KIF23: variants seen among roughly 807,000 people sequenced by gnomAD.
KIF23 encodes the protein kinesin-like protein KIF23.
KIF23 carries 30 observed loss-of-function variants against 137.5 expected under a neutral mutation model. The observed-to-expected ratio is 0.22, with a 90% CI of 0.16 to 0.30. The LOEUF (loss-of-function observed/expected upper bound fraction) is 0.30, where lower values mean the gene tolerates loss of function less well. Ranked by LOEUF, KIF23 falls within the 10% of genes least tolerant of loss-of-function variation. The probability of loss-of-function intolerance (pLI) is 1.00; values close to 1 mark genes in which losing one functional copy is unlikely to be tolerated. For synonymous variants in KIF23, 367 were observed against 391.1 expected (o/e 0.94, Z 0.73); for missense variants, 920 against 1,194.3 (o/e 0.77, Z 3.38).
rs747369638 is a variant in KIF23, at chr15:69,422,146, G to C, written c.453+18G>C. ...AACGATATGTAAGTATGATTCTTTT[G>C]TGTTGTGACTATCTTACTGGACTAA... On this transcript the variant is annotated intron_variant, in intron 5 of 23. Transcript: ENST00000679126. The C allele has an allele frequency of 2.2e-5, 36 of 1,612,100 alleles. No homozygotes were observed. The highest frequency in any genetic ancestry group is 3.0e-5 in the Non-Finnish European group (35 of 1,178,946).
chr15:69,432,889 A>T (rs977623012), intron 11 of KIF23, among the ~76,000 whole-genome samples: 4 of 152,246 alleles, frequency 2.6e-5, no homozygotes, highest in Non-Finnish European at 5.9e-5. Context: ...AATTACAGGT[A>T]CTACTAATGC....
At chr15:69,423,452 G>C (rs146515193) in intron 7 of KIF23, 123 bp downstream of exon 7, 6 of 629,782 alleles carry the variant, frequency 9.5e-6, no homozygotes, top group Non-Finnish European at 1.3e-5. Flanking sequence ...AGAATGAAAT[G>C]ATATAATTTG....
intron 13 of KIF23, 77 bp from the exon 14 acceptor site, chr15:69,436,061 A>G (rs2057470153): frequency 6.5e-7 from 1 of 1,549,936 alleles, no homozygotes; most frequent in Non-Finnish European, 8.8e-7. Context: ...AAAATAAGCA[A>G]TCTTTGCTTC....
chr15:69,415,273 A>G (rs922805254), intron 1 of KIF23, among the ~76,000 whole-genome samples: 6 of 152,198 alleles, frequency 3.9e-5, no homozygotes, highest in Non-Finnish European at 7.3e-5. Flanking sequence ...GCCCACCACA[A>G]AGTATTTTGC....
At chr15:69,439,536 T>C (rs1272372134) in intron 16 of KIF23, among the ~76,000 whole-genome samples, 1 of 152,218 alleles carries the variant, frequency 6.6e-6, no homozygotes, top group African/African-American at 2.4e-5. Flanking sequence ...GTCTGTTCTC[T>C]CATTTACAGA....
At position 69,440,782 on chromosome 15, in the gene KIF23, T is replaced by C. The variant is rs1377003688; in HGVS notation, c.2124T>C (p.Tyr708=). 4.4e-6 allele frequency: 7 copies of C among 1,609,090 alleles called. No individual in the cohort carries two copies. Among genetic ancestry groups the C allele is most frequent in the Non-Finnish European group, 5.9e-6 (7 of 1,179,486 alleles). ...AATTTTTCTAGCTTTCTAGTAACTA[T>C]ATTGCTCAGATTTCCAACGGCCAGC... ...SPSPVPLSSN[Y]IAQISNGQQL... is the part of the protein sequence containing the mutation. Residue 708 remains tyrosine (Y), a synonymous_variant, in exon 19 of 24, where the codon TAT becomes TAC. Coordinates refer to ENST00000679126, the MANE Select transcript of KIF23 (RefSeq NM_001367805.3).
chr15:69,436,282 A>G (rs1333588509), intron 14 of KIF23, 21 bp downstream of exon 14: 1 of 1,604,982 alleles, frequency 6.2e-7, no homozygotes, highest in Non-Finnish European at 8.5e-7. Context: ...GTGTTGTATC[A>G]TTTGTCCACT....
intron 22 of KIF23, 35 bp from the exon 23 acceptor site, chr15:69,446,836 A>G: frequency 6.3e-7 from 1 of 1,585,274 alleles, no homozygotes; most frequent in Non-Finnish European, 8.7e-7. Context: ...TATTGAGAGG[A>G]GCTGATCTTT....
At chr15:69,420,848 G>A (rs1381384214) in intron 3 of KIF23, among the ~76,000 whole-genome samples, 1 of 151,982 alleles carries the variant, frequency 6.6e-6, no homozygotes, top group African/African-American at 2.4e-5. Flanking sequence ...CTTAACTCAT[G>A]GCCTCAAGTG....
chr15:69,431,997 T>C (rs1264889007), intron 11 of KIF23, among the ~76,000 whole-genome samples: 1 of 152,222 alleles, frequency 6.6e-6, no homozygotes, highest in Non-Finnish European at 1.5e-5. Flanking sequence ...TGTCAATGTC[T>C]ACCCAGTGCA....
Position 69,423,164 on chromosome 15 carries a change from A to G in KIF23, c.569A>G (p.Gln190Arg). 6.3e-7 allele frequency: 1 copy of G among 1,579,582 alleles called. No individual in the cohort carries two copies. The highest frequency in any genetic ancestry group is 8.6e-7 in the Non-Finnish European group (1 of 1,163,048). ...TTGAACTTTTCTTTTTTTAGACGAC[A>G]AGTAGATCCAGAGTTTGCAGATATG... ...PNPKTSSSKR[Q>R]VDPEFADMIT... The change falls in exon 7 of 24, where the codon CAA becomes CGA. Residue 190 changes from glutamine (Q) to arginine (R), a missense_variant. Physicochemically the swap from Gln to Arg is conservative, Grantham distance 43 (BLOSUM62 1). Around this residue, in one of 4 missense-constraint regions of KIF23, gnomAD observed 714 missense variants for 866.2 expected, o/e 0.82. Transcript: ENST00000679126.
Position 69,447,880 on chromosome 15 carries a change from T to G in KIF23, c.*73T>G, listed in dbSNP as rs2057774227. 6.7e-7 allele frequency: 1 copy of G among 1,488,330 alleles called. No individual in the cohort carries two copies. The highest frequency in any genetic ancestry group is 1.7e-5 in the Admixed American group (1 of 59,218). 92.2% of individuals were successfully genotyped at this position (1,488,330 alleles called of 1,614,324 possible). A position where few individuals can be genotyped will look rare whatever the true frequency, so the allele number is the denominator to read the frequency against. On this transcript the variant is annotated 3_prime_UTR_variant, in exon 24 of 24. Coordinates refer to ENST00000679126, the MANE Select transcript of KIF23 (RefSeq NM_001367805.3). Reference sequence around the variant, plus strand: ...TTCTCGAAAGCCATGCCAGAAGCAGTCTTCCAGGTCATCTTGTAGAACTCC... The same window carrying G: ...TTCTCGAAAGCCATGCCAGAAGCAGGCTTCCAGGTCATCTTGTAGAACTCC...
chr15:69,423,165 A>G lies in KIF23; in HGVS notation c.570A>G (p.Gln190=). The G allele has an allele frequency of 6.3e-7, 1 of 1,581,816 alleles. No individual in the cohort carries two copies. The highest frequency in any genetic ancestry group is 8.6e-7 in the Non-Finnish European group (1 of 1,164,570). The change falls in exon 7 of 24, where the codon CAA becomes CAG. Residue 190 remains glutamine, a synonymous_variant. Coordinates refer to ENST00000679126, the MANE Select transcript of KIF23 (RefSeq NM_001367805.3). ...TGAACTTTTCTTTTTTTAGACGACA[A>G]GTAGATCCAGAGTTTGCAGATATGA... The part of the protein sequence containing the change: ...PNPKTSSSKR[Q]VDPEFADMIT...
Position 69,426,464 on chromosome 15 carries a change from T to C in KIF23, c.1011+7T>C, listed in dbSNP as rs757071294. 3.1e-6 allele frequency: 5 copies of C among 1,613,004 alleles called. No individual in the cohort carries two copies. In the East Asian group the frequency reaches 8.9e-5, roughly 29 times the overall value. On this transcript the variant is annotated splice_region_variant and intron_variant, in intron 10 of 23. Coordinates refer to ENST00000679126, the MANE Select transcript of KIF23 (RefSeq NM_001367805.3). ...TGGAGACAATGTCTTACAGGTAAAG[T>C]TGTAGTATGTGGAGTTTTTCTGGTT...
chr15:69,436,656 C>T lies in KIF23; in HGVS notation c.1531C>T (p.Leu511=). ...DINDEQTLPR[L]IEALEKRHNL... is the part of the protein sequence containing the mutation. ...CAACGATGAGCAGACACTTCCAAGGCTGATTGAAGCCTTAGAGAAACGACA... is the reference window on the plus strand; with the variant it reads ...CAACGATGAGCAGACACTTCCAAGGTTGATTGAAGCCTTAGAGAAACGACA... The change falls in exon 15 of 24, where the codon CTG becomes TTG. Residue 511 remains leucine (L), a synonymous_variant. Coordinates refer to ENST00000679126, the MANE Select transcript of KIF23 (RefSeq NM_001367805.3). 3 of 1,611,100 alleles carry T rather than the reference C, an allele frequency of 1.9e-6. No homozygotes were observed. Among genetic ancestry groups the T allele is most frequent in the East Asian group, 2.2e-5 (1 of 44,820 alleles).
At chr15:69,428,792 T>C (rs1021401367) in intron 10 of KIF23, among the ~76,000 whole-genome samples, 1 of 152,112 alleles carries the variant, frequency 6.6e-6, no homozygotes, top group South Asian at 2.1e-4. Context: ...AAATATCTGC[T>C]GAGTTCCTAC....
chr15:69,446,939 C>T lies in KIF23; in HGVS notation c.2907C>T (p.Pro969=), dbSNP rs769489533. The change falls in exon 23 of 24, where the codon CCC becomes CCT. Residue 969 remains proline (P), a splice_region_variant and synonymous_variant. Transcript: ENST00000679126. ...CTGGATATCAGCATCACGCACAACCCAAGTGAGTACTGACTGTAATTGGGG... is the reference window on the plus strand; with the variant it reads ...CTGGATATCAGCATCACGCACAACCTAAGTGAGTACTGACTGTAATTGGGG... ...LGPGYQHHAQ[P]KRKKP is the part of the protein sequence containing the mutation. The T allele has an allele frequency of 4.7e-5, 76 of 1,613,722 alleles. No homozygotes were observed. Among genetic ancestry groups the T allele is most frequent in the Non-Finnish European group, 5.3e-5 (63 of 1,179,684 alleles).
chr15:69,444,670 T>G lies in KIF23; in HGVS notation c.2422-120T>G. 1.0e-6 allele frequency: 1 copy of G among 979,028 alleles called. No individual in the cohort carries two copies. The highest frequency in any genetic ancestry group is 1.5e-6 in the Non-Finnish European group (1 of 679,064). The allele number at this position is 979,028 out of a possible 1,614,324, so 60.6% of individuals were successfully genotyped here. A position where few individuals can be genotyped will look rare whatever the true frequency, so the allele number is the denominator to read the frequency against. ...ATGCAAAGATCATGTTTAAATTACT[T>G]GAATAAAATATTTAGCTTTGGAAAG... On this transcript the variant is annotated intron_variant, in intron 19 of 23. Transcript: ENST00000679126. This position sits in a 1 kb window ranked among gnomAD's most constrained non-coding sequence, Gnocchi z 4.2.
At chr15:69,420,668 GC>G (rs2057031585) in intron 3 of KIF23, among the ~76,000 whole-genome samples, 1 of 152,126 alleles carries the variant, frequency 6.6e-6, no homozygotes, top group South Asian at 2.1e-4. Context: ...ATGCTGCTAT[GC>G]CATTTTATTT....
Sources: allele counts gnomAD v4.1 joint callset (sites outside exome capture counted in the v4.1 genomes callset), GRCh38; gene constraint gnomAD v4.1.1; regional missense constraint gnomAD v4.1.1; non-coding constraint Gnocchi (gnomAD v3.1); transcripts MANE v1.5; gene names NCBI Gene and HGNC (gene_info 2026-07-23, HGNC 2026-07-21).